Variants in MEA1 observed in about 807,000 individuals in gnomAD.
The protein encoded by MEA1 is male-enhanced antigen 1, also known as Male-enhanced antigen (H-Y structural gene).
MEA1 carries 22 observed loss-of-function variants against 21.4 expected under a neutral mutation model. That is an observed-to-expected ratio of 1.03 (90% CI 0.73 to 1.47). The LOEUF (loss-of-function observed/expected upper bound fraction) is 1.47, where lower values mean the gene tolerates loss of function less well. MEA1 is among the 40% of genes most tolerant of loss of function. The probability of loss-of-function intolerance (pLI) is 0.00; values close to 1 mark genes in which losing one functional copy is unlikely to be tolerated. For missense variants in MEA1, 233 were observed against 230.5 expected, an observed-to-expected ratio of 1.01 and a Z score of -0.07; for synonymous variants, 91 against 85.5, an observed-to-expected ratio of 1.06 and a Z score of -0.35.
Position 43,013,208 on chromosome 6 carries a change from G to T in MEA1, c.210C>A (p.Tyr70Ter), listed in dbSNP as rs1460727059. 6.2e-7 allele frequency: 1 copy of T among 1,614,118 alleles called. No homozygotes were observed. The change falls in exon 2 of 4, where the codon TAC becomes TAA. Residue 70 changes from tyrosine (Y) to a stop codon, truncating the protein, a stop_gained. Transcript: ENST00000244711. LOFTEE classifies it high-confidence loss of function. ...GTTCAGGATCTTGGTTCAGGGGCTG[G>T]TAGGAGTAGCCAGCTGGGCCCGACC... ...ETGSGPAGYSYQPLNQDPEQE... is the reference protein window; with the variant it reads ...ETGSGPAGYS
In MEA1 at chr6:43,011,166, G is replaced by A. The variant is rs1228218025; in HGVS notation, c.*1304C>T. 2.5e-6 allele frequency: 4 copies of A among 1,614,160 alleles called. No homozygotes were observed. Among genetic ancestry groups the A allele is most frequent in the Non-Finnish European group, 3.4e-6 (4 of 1,180,010 alleles). The stretch of plus-strand genomic sequence containing the variant: ...ACACACAGATGCTAAAAGACATCAA[G>A]AAGGAGAAAGTGCTGCTGCGGAGGA... On this transcript the variant is annotated 3_prime_UTR_variant, in exon 4 of 4. Coordinates refer to ENST00000244711, the MANE Select transcript of MEA1 (RefSeq NM_014623.4).
At position 43,011,246 on chromosome 6, in the gene MEA1, G is replaced by A. The variant is rs1320159703; in HGVS notation, c.*1224C>T. The A allele has an allele frequency of 3.1e-6, 5 of 1,614,062 alleles. No homozygotes were observed. The highest frequency in any genetic ancestry group is 2.2e-5 in the East Asian group (1 of 44,872). ...ATCAAGGCACTGGAGGCGCACAAGC[G>A]GGCGGAAGAGTTCCTAACTGCCAGC... On this transcript the variant is annotated 3_prime_UTR_variant, in exon 4 of 4. Transcript: ENST00000244711.
At chr6:43,013,747 C>G in intron 1 of MEA1, 39 bp downstream of exon 1, 1 of 1,568,900 alleles carries the variant, frequency 6.4e-7, no homozygotes, top group East Asian at 2.3e-5. Context: ...TCGGCGTACC[C>G]GCCCCCTTCT....
upstream of MEA1, chr6:43,013,951 C>T (rs942687047): frequency 4.1e-6 from 6 of 1,451,218 alleles, no homozygotes; most frequent in Non-Finnish European, 5.5e-6. Flanking sequence ...GCAGAGGTGC[C>T]TAGTCCTCCA....
At position 43,013,340 on chromosome 6, in the gene MEA1, A is replaced by G. The variant is rs1478968479; in HGVS notation, c.78T>C (p.Pro26=). Residue 26 remains proline (P), a synonymous_variant, in exon 2 of 4, where the codon CCT becomes CCC. Transcript: ENST00000244711. ...CAGTCTGATTGGGGAAGATACGCTC[A>G]GGGCCCATGGTGTCTCCTCCTAGAA... is the stretch of plus-strand genomic sequence containing the variant. ...TVVLGGDTMG[P]ERIFPNQTEE... 1.2e-6 allele frequency: 2 copies of G among 1,614,064 alleles called. No individual in the cohort carries two copies. The highest frequency in any genetic ancestry group is 1.1e-5 in the South Asian group (1 of 91,076).
upstream of MEA1, among the ~76,000 whole-genome samples, chr6:43,015,941 T>C (rs538121168): frequency 9.8e-4 from 147 of 149,998 alleles, 1 homozygote; most frequent in South Asian, 0.011. Flanking sequence ...TCCCTTCCCC[T>C]TTTTTTTTGT....
At chr6:43,013,653 A>G in intron 1 of MEA1, 133 bp downstream of exon 1, 1 of 1,010,246 alleles carries the variant, frequency 9.9e-7, no homozygotes, top group Non-Finnish European at 1.5e-6. Context: ...CTCCTAAAAG[A>G]CACCCCTTCC....
upstream of MEA1, among the ~76,000 whole-genome samples, chr6:43,015,852 T>TA (rs561042959): frequency 0.011 from 1,128 of 100,540 alleles, 15 homozygotes; most frequent in African/African-American, 0.018. Flanking sequence ...AGACTTCATC[T>TA]AAAAAAAAAA....
Position 43,012,364 on chromosome 6 carries a change from A to C in MEA1, c.*106T>G. 6.7e-7 allele frequency: 1 copy of C among 1,490,102 alleles called. No individual in the cohort carries two copies. Among genetic ancestry groups the C allele is most frequent in the East Asian group, 2.3e-5 (1 of 43,018 alleles). 92.3% of individuals were successfully genotyped at this position (1,490,102 alleles called of 1,614,324 possible). A position where few individuals can be genotyped will look rare whatever the true frequency, so the allele number is the denominator to read the frequency against. ...AGAAGTCTGATGTGCCTTGATGTGG[A>C]AAGGGAGACGGGGAAGATGGAAATG... is the stretch of plus-strand genomic sequence containing the variant. On this transcript the variant is annotated 3_prime_UTR_variant, in exon 4 of 4. Coordinates refer to ENST00000244711, the MANE Select transcript of MEA1 (RefSeq NM_014623.4).
At position 43,013,186 on chromosome 6, in the gene MEA1, C is replaced by G; in HGVS notation, c.232G>C (p.Glu78Gln). ...GGTGCCAGTTCCACCTCCTCTTGTT[C>G]AGGATCTTGGTTCAGGGGCTGGTAG... The part of the protein sequence containing the change: ...YSYQPLNQDP[E>Q]QEEVELAPVG... The change falls in exon 2 of 4, where the codon GAA (glutamate) becomes CAA (glutamine). Residue 78 changes from glutamate to glutamine, a missense_variant. Coordinates refer to ENST00000244711, the MANE Select transcript of MEA1 (RefSeq NM_014623.4). The G allele has an allele frequency of 6.2e-7, 1 of 1,614,168 alleles. No homozygotes were observed. The highest frequency in any genetic ancestry group is 8.5e-7 in the Non-Finnish European group (1 of 1,180,022).
At chr6:43,013,582 CAG>C in intron 1 of MEA1, 193 bp from the exon 2 acceptor site, 1 of 813,108 alleles carries the variant, frequency 1.2e-6, no homozygotes, top group South Asian at 1.8e-5. Context: ...TATCTTGAAC[CAG>C]GCCCCACCAA....
rs1355364964 is a variant in MEA1 at position 43,013,117 on chromosome 6, G to C, written c.301C>G (p.Gln101Glu). ...DVVADIQDRI[Q>E]ALGLHLPDPP... is the part of the protein sequence containing the mutation. ...GAACCATCCCTCCTCCACCCTACCT[G>C]GATTCGATCCTGGATGTCAGCAACT... The change falls in exon 2 of 4, where the codon CAG becomes GAG. Residue 101 changes from glutamine to glutamate, a missense_variant and splice_region_variant. Gln to Glu is a conservative substitution (Grantham distance 29). Coordinates refer to ENST00000244711, the MANE Select transcript of MEA1 (RefSeq NM_014623.4). 6.2e-7 allele frequency: 1 copy of C among 1,613,866 alleles called. No homozygotes were observed. The highest frequency in any genetic ancestry group is 2.2e-5 in the East Asian group (1 of 44,888).
rs377322516 is a variant in MEA1 at position 43,012,617 on chromosome 6, A to G, written c.411T>C (p.His137=). 5.0e-6 allele frequency: 8 copies of G among 1,595,728 alleles called. No individual in the cohort carries two copies. In the African/African-American group the frequency reaches 6.8e-5, roughly 14 times the overall value. The change falls in exon 4 of 4, where the codon CAT becomes CAC. Residue 137 remains histidine (H), a synonymous_variant. Transcript: ENST00000244711. ...CCATTGTCCTTTTCACCAGCTCTAC[A>G]TGTTCTGAAATCAGAGCCAGAGGCC... The part of the protein sequence containing the change: ...NHSSIPMDPE[H]VELVKRTMAG...
chr6:43,013,415 CAG>C, intron 1 of MEA1, 26 bp from the exon 2 acceptor site: 1 of 1,606,282 alleles, frequency 6.2e-7, no homozygotes. Context: ...GGCGGTAGGA[CAG>C]GGATCGGATG....
chr6:43,013,719 C>A (rs1762466334), intron 1 of MEA1, 67 bp downstream of exon 1: 2 of 1,487,760 alleles, frequency 1.3e-6, no homozygotes, highest in South Asian at 1.2e-5. Context: ...TCTGGGTCAT[C>A]AGACTCCCCT....
Position 43,011,363 on chromosome 6 carries a change from T to G in MEA1, c.*1107A>C. ...CCCTGGCCCTCCATACTCTGCTCCC[T>G]ACTGGCTGTCTTGGGGGAAGGCAGC... On this transcript the variant is annotated 3_prime_UTR_variant, in exon 4 of 4. Coordinates refer to ENST00000244711, the MANE Select transcript of MEA1 (RefSeq NM_014623.4). 3.8e-6 allele frequency: 6 copies of G among 1,575,500 alleles called. No homozygotes were observed. The South Asian group carries it at 6.8e-5, about 18-fold the overall frequency.
intron 1 of MEA1, 51 bp downstream of exon 1, chr6:43,013,735 G>A (rs1279680500): frequency 2.6e-6 from 4 of 1,544,194 alleles, no homozygotes; most frequent in African/African-American, 2.7e-5. Context: ...CCCCTAAACA[G>A]GTCGGCGTAC....
intron 3 of MEA1, 117 bp from the exon 4 acceptor site, chr6:43,012,738 A>G (rs969998610): frequency 3.2e-5 from 42 of 1,330,734 alleles, no homozygotes; most frequent in Non-Finnish European, 4.1e-5. Flanking sequence ...CCACCTTGTT[A>G]CTTTAAGGCA....
Position 43,011,448 on chromosome 6 carries a change from A to C in MEA1, c.*1022T>G. On this transcript the variant is annotated 3_prime_UTR_variant, in exon 4 of 4. Coordinates refer to ENST00000244711, the MANE Select transcript of MEA1 (RefSeq NM_014623.4). ...CACTTGAAGCAGGGACACCCACAGAATGGTCCCTCTTCTCCCCAAAAGGTG... is the reference window on the plus strand; with the variant it reads ...CACTTGAAGCAGGGACACCCACAGACTGGTCCCTCTTCTCCCCAAAAGGTG... The C allele has an allele frequency of 1.1e-6, 1 of 945,344 alleles. No homozygotes were observed. Among genetic ancestry groups the C allele is most frequent in the Non-Finnish European group, 1.5e-6 (1 of 646,354 alleles). 58.6% of individuals were successfully genotyped at this position (945,344 alleles called of 1,614,324 possible).
Sources: allele counts gnomAD v4.1 joint callset (sites outside exome capture counted in the v4.1 genomes callset), GRCh38; gene constraint gnomAD v4.1.1; transcripts MANE v1.5; gene names NCBI Gene and HGNC (gene_info 2026-07-23, HGNC 2026-07-21).